CSMD1: variants seen among roughly 807,000 people sequenced by gnomAD.
CSMD1 encodes CUB and sushi domain-containing protein 1.
A neutral mutation model predicts 417.5 loss-of-function variants in CSMD1; 213 were observed. That is an observed-to-expected ratio of 0.51 (90% CI 0.46 to 0.57). CSMD1 has a LOEUF of 0.57. Among genes scored for constraint, CSMD1 ranks in the 20% least tolerant of loss-of-function variants. The probability of loss-of-function intolerance (pLI) is 0.00; values close to 1 mark genes in which losing one functional copy is unlikely to be tolerated. For synonymous variants in CSMD1, 2,862 were observed against 1,736.8 expected, an observed-to-expected ratio of 1.65 and a Z score of -16.11; for missense variants, 6,923 against 4,529.7, an observed-to-expected ratio of 1.53 and a Z score of -15.17.
intron 12 of CSMD1, among the ~76,000 whole-genome samples, chr8:3,415,848 T>C (rs539295904): frequency 3.2e-4 from 49 of 152,338 alleles, no homozygotes; most frequent in African/African-American, 1.1e-3. Context: ...AATGGATCTA[T>C]GTTGTTTAGA....
At chr8:4,852,389 T>C (rs535302284) in intron 1 of CSMD1, among the ~76,000 whole-genome samples, 1 of 151,962 alleles carries the variant, frequency 6.6e-6, no homozygotes, top group Admixed American at 6.5e-5. Context: ...TCCTCTCCTC[T>C]CTCTCTCGTT....
chr8:4,759,238 T>C (rs1811867611), intron 1 of CSMD1, among the ~76,000 whole-genome samples: 1 of 152,006 alleles, frequency 6.6e-6, no homozygotes, highest in Non-Finnish European at 1.5e-5. Context: ...TCACCATCAG[T>C]GTCGTTGGAT....
chr8:4,050,289 T>C (rs1274068191), intron 3 of CSMD1, among the ~76,000 whole-genome samples: 2 of 152,170 alleles, frequency 1.3e-5, no homozygotes, highest in Non-Finnish European at 2.9e-5. Context: ...AGGGAGGAAC[T>C]ATGAGCAGCA....
chr8:4,909,620 G>C (rs765905006), intron 1 of CSMD1, among the ~76,000 whole-genome samples: 1 of 152,232 alleles, frequency 6.6e-6, no homozygotes, highest in Non-Finnish European at 1.5e-5. Flanking sequence ...CACTTCATGG[G>C]GTTCCTAGAA....
At chr8:3,269,675 AC>A (rs1475128973) in intron 26 of CSMD1, among the ~76,000 whole-genome samples, 1 of 151,964 alleles carries the variant, frequency 6.6e-6, no homozygotes, top group Admixed American at 6.6e-5. Context: ...CGTTTATTTA[AC>A]CCCCAGAGTA....
In CSMD1 at chr8:4,775,800, C is replaced by T. The variant is rs376079836; in HGVS notation, c.86-138242G>A. ...TGTGGATGCACTGGGGATGGGTCCT[C>T]TTAGGCATTAAAACCAATCAGAAAG... On this transcript the variant is annotated intron_variant, in intron 1 of 69. Transcript: ENST00000635120. Among the ~76,000 whole-genome samples, 8 of 152,176 alleles carry T rather than the reference C, an allele frequency of 5.3e-5. No homozygotes were observed. In the Middle Eastern group the frequency reaches 0.02, roughly 388 times the overall value.
intron 2 of CSMD1, among the ~76,000 whole-genome samples, chr8:4,456,985 T>TTA (rs71207092): frequency 0.046 from 6,349 of 138,750 alleles, 364 homozygotes; most frequent in African/African-American, 0.13. Flanking sequence ...GGTTTTTTTT[T>TTA]AAAAAAAAAA....
At chr8:4,171,571 C>T (rs754970228) in intron 3 of CSMD1, among the ~76,000 whole-genome samples, 16 of 151,740 alleles carry the variant, frequency 1.1e-4, no homozygotes, top group Non-Finnish European at 1.9e-4. Flanking sequence ...TGGAGTGATA[C>T]GTTGCCAAAT....
chr8:3,750,506 T>C (rs1797282851), intron 6 of CSMD1, among the ~76,000 whole-genome samples: 1 of 152,168 alleles, frequency 6.6e-6, no homozygotes, highest in Non-Finnish European at 1.5e-5. Flanking sequence ...ACTATGCTTT[T>C]TTTTTGTTTC....
chr8:3,543,330 G>C (rs988922706), intron 10 of CSMD1, among the ~76,000 whole-genome samples: 7 of 152,214 alleles, frequency 4.6e-5, no homozygotes, highest in Non-Finnish European at 1.0e-4. Flanking sequence ...GAGGTGAAAA[G>C]TCACTGGGGA....
intron 1 of CSMD1, among the ~76,000 whole-genome samples, chr8:4,722,919 T>A (rs1809155226): frequency 6.6e-6 from 1 of 152,208 alleles, no homozygotes. Context: ...ATTTTCTATA[T>A]CCAGCTGATC....
chr8:4,255,729 T>C (rs1003352976), intron 3 of CSMD1, among the ~76,000 whole-genome samples: 2 of 152,216 alleles, frequency 1.3e-5, no homozygotes, highest in South Asian at 2.1e-4. Flanking sequence ...TTCTACAAAA[T>C]CTAAGCATAG....
chr8:4,224,103 G>A (rs555544900), intron 3 of CSMD1, among the ~76,000 whole-genome samples: 2 of 152,200 alleles, frequency 1.3e-5, no homozygotes, highest in Non-Finnish European at 1.5e-5. Context: ...GATTTTGCCA[G>A]GCTAAGAGTA....
intron 3 of CSMD1, among the ~76,000 whole-genome samples, chr8:4,196,949 C>T (rs189396809): frequency 2.0e-5 from 3 of 152,150 alleles, no homozygotes; most frequent in Non-Finnish European, 4.4e-5. Context: ...GTTCTTTGCT[C>T]CAATTTTAGT....
chr8:3,978,544 A>G (rs1039684284), intron 5 of CSMD1, among the ~76,000 whole-genome samples: 1 of 152,128 alleles, frequency 6.6e-6, no homozygotes, highest in Non-Finnish European at 1.5e-5. Context: ...AGTTTGGCAA[A>G]GGGTTTCAAA....
At chr8:4,352,188 G>A (rs995091894) in intron 3 of CSMD1, among the ~76,000 whole-genome samples, 1 of 152,082 alleles carries the variant, frequency 6.6e-6, no homozygotes, top group African/African-American at 2.4e-5. Flanking sequence ...CTCATTGCCT[G>A]GGATGAATAA....
chr8:3,689,477 C>G (rs1800120888), intron 7 of CSMD1, among the ~76,000 whole-genome samples: 1 of 152,304 alleles, frequency 6.6e-6, no homozygotes, highest in South Asian at 2.1e-4. Context: ...TTCTTGAAGA[C>G]AGAATAGTGT....
At position 3,999,678 on chromosome 8, in the gene CSMD1, C is replaced by T. The variant is rs1320651734; in HGVS notation, c.611-1568G>A. ...ACGGGATGCCAGGCTGGTCTACACA[C>T]TAGGCATTCTCATGCTGTTTATGTC... On this transcript the variant is annotated intron_variant, in intron 4 of 69. Transcript: ENST00000635120. 5.3e-5 allele frequency among the ~76,000 whole-genome samples: 8 copies of T among 152,166 alleles called. No homozygotes were observed. The East Asian group carries it at 1.5e-3, about 29-fold the overall frequency.
intron 7 of CSMD1, among the ~76,000 whole-genome samples, chr8:3,660,376 A>G (rs1359824367): frequency 6.6e-6 from 1 of 152,158 alleles, no homozygotes; most frequent in Non-Finnish European, 1.5e-5. Flanking sequence ...GGACCAGCAC[A>G]GAAAAAGTAA....
Sources: gnomAD v4.1 joint callset for allele counts (sites outside exome capture counted in the v4.1 genomes callset) on GRCh38, gnomAD v4.1.1 for gene constraint, MANE v1.5 for transcripts, NCBI Gene and HGNC (gene_info 2026-07-23, HGNC 2026-07-21) for gene names.